The following SLC68A1 variants were observed in gnomAD, a reference collection of about 807,000 sequenced individuals.
SLC68A1 encodes the protein major facilitator superfamily domain containing 13A.
chr10:102,464,925 C>G, the SLC68A1 span, among the ~76,000 whole-genome samples: 1 of 151,986 alleles, frequency 6.6e-6, no homozygotes, highest in Non-Finnish European at 1.5e-5. Context: ...TCAAGACCAG[C>G]CTGGCCAATA....
At chr10:102,469,355 G>A in the SLC68A1 span, among the ~76,000 whole-genome samples, 3 of 152,092 alleles carry the variant, frequency 2.0e-5, no homozygotes, top group African/African-American at 7.2e-5. Flanking sequence ...AAGCTGTGGA[G>A]GCCTTGATGA....
At chr10:102,470,764 G>A in the SLC68A1 span, 1 of 1,613,968 alleles carries the variant, frequency 6.2e-7, no homozygotes, top group Admixed American at 1.7e-5. Flanking sequence ...TGGCGTTCTG[G>A]GTGCCCTGGG....
At chr10:102,471,050 C>A in the SLC68A1 span, 1 of 1,613,842 alleles carries the variant, frequency 6.2e-7, no homozygotes, top group South Asian at 1.1e-5. Context: ...GGCCACACAG[C>A]TGCTGAGGCG....
the SLC68A1 span, among the ~76,000 whole-genome samples, chr10:102,467,714 TG>T: frequency 3.9e-5 from 6 of 152,112 alleles, no homozygotes; most frequent in Non-Finnish European, 8.8e-5. Context: ...TAGAGTGCGT[TG>T]GCGCAATCTT....
At chr10:102,472,837 T>G in the SLC68A1 span, 1 of 1,607,846 alleles carries the variant, frequency 6.2e-7, no homozygotes, top group Non-Finnish European at 8.5e-7. Flanking sequence ...CTCCTCACCA[T>G]CCCTGTCGGG....
chr10:102,468,243 T>G, the SLC68A1 span: 1 of 152,224 alleles, frequency 6.6e-6, no homozygotes, highest in African/African-American at 2.4e-5. Flanking sequence ...TTAATCCTTA[T>G]GATTTGCAAA....
At chr10:102,475,690 G>T in the SLC68A1 span, 4 of 1,553,180 alleles carry the variant, frequency 2.6e-6, no homozygotes, top group South Asian at 3.6e-5. Context: ...ACAGTGGGCT[G>T]ACCATGGTCT....
chr10:102,465,148 A>G, the SLC68A1 span, among the ~76,000 whole-genome samples: 1 of 151,786 alleles, frequency 6.6e-6, no homozygotes, highest in African/African-American at 2.4e-5. Context: ...AATCCCAGCT[A>G]CTCAGGAGGC....
At chr10:102,471,373 T>C in the SLC68A1 span, 9 of 1,613,076 alleles carry the variant, frequency 5.6e-6, no homozygotes, top group Non-Finnish European at 7.6e-6. Flanking sequence ...CTTCCTGTGG[T>C]TCGTGAGCAT....
chr10:102,471,416 G>A, the SLC68A1 span: 1 of 1,604,488 alleles, frequency 6.2e-7, no homozygotes, highest in Non-Finnish European at 8.5e-7. Flanking sequence ...GCAGCTCCCG[G>A]CCCCTCTACA....
At chr10:102,470,097 C>G in the SLC68A1 span, 1 of 1,609,310 alleles carries the variant, frequency 6.2e-7, no homozygotes, top group Non-Finnish European at 8.5e-7. Context: ...GGGAACAGCT[C>G]GTAATTGGTT....
the SLC68A1 span, among the ~76,000 whole-genome samples, chr10:102,462,480 C>G: frequency 4.6e-5 from 7 of 152,320 alleles, no homozygotes; most frequent in East Asian, 1.3e-3. Flanking sequence ...ATACCTCTCA[C>G]TCCAGGGGCC....
the SLC68A1 span, among the ~76,000 whole-genome samples, chr10:102,467,228 G>T: frequency 6.6e-6 from 1 of 152,144 alleles, no homozygotes; most frequent in African/African-American, 2.4e-5. Flanking sequence ...TAGAGACGAG[G>T]TTGTGCCATG....
the SLC68A1 span, chr10:102,471,253 C>T: frequency 6.2e-7 from 1 of 1,610,208 alleles, no homozygotes; most frequent in Non-Finnish European, 8.5e-7. Flanking sequence ...GGCAGTTCTC[C>T]ACTCCCTTCT....
chr10:102,468,993 C>T, the SLC68A1 span: 2 of 1,583,112 alleles, frequency 1.3e-6, no homozygotes, highest in Non-Finnish European at 1.7e-6. Flanking sequence ...CATGAGCCCT[C>T]CCCGGTGCTC....
chr10:102,469,928 G>C, the SLC68A1 span: 24 of 1,568,436 alleles, frequency 1.5e-5, no homozygotes, highest in East Asian at 4.6e-4. Flanking sequence ...AGCAGGCTGA[G>C]GGGGGAGGAG....
chr10:102,465,467 G>A, the SLC68A1 span, among the ~76,000 whole-genome samples: 26 of 152,030 alleles, frequency 1.7e-4, no homozygotes, highest in South Asian at 5.2e-3. Context: ...GGTCTTCCAC[G>A]TAGCAGGCAC....
At chr10:102,471,340 C>T in the SLC68A1 span, 8 of 1,613,860 alleles carry the variant, frequency 5.0e-6, no homozygotes, top group Middle Eastern at 3.4e-4. Context: ...CCGGTATCTC[C>T]GGCAGCTGGC....
the SLC68A1 span, chr10:102,469,865 C>A: frequency 6.9e-7 from 1 of 1,439,008 alleles, no homozygotes; most frequent in Non-Finnish European, 9.1e-7. Context: ...GAGGAACTGA[C>A]ACCAGCAAAG....
Sources: allele counts gnomAD v4.1 joint callset (sites outside exome capture counted in the v4.1 genomes callset), GRCh38; gene constraint gnomAD v4.1.1; transcripts MANE v1.5; gene names NCBI Gene and HGNC (gene_info 2026-07-23, HGNC 2026-07-21).